Variants in FYTTD1 observed in about 807,000 individuals in gnomAD.
The protein encoded by FYTTD1 is UAP56-interacting factor.
FYTTD1 carries 22 observed loss-of-function variants against 40.9 expected under a neutral mutation model. That is an observed-to-expected ratio of 0.54 (90% confidence interval 0.38 to 0.77). The LOEUF (loss-of-function observed/expected upper bound fraction) is 0.77. Among genes scored for constraint, FYTTD1 ranks in the 30% least tolerant of loss-of-function variants. FYTTD1 has a pLI of 0.00. For synonymous variants in FYTTD1, 140 were observed against 137.9 expected, an observed-to-expected ratio of 1.01 and a Z score of -0.10; for missense variants, 351 against 392.2, an observed-to-expected ratio of 0.90 and a Z score of 0.89.
Position 197,784,647 on chromosome 3 carries a change from C to G in FYTTD1, c.*2738C>G, listed in dbSNP as rs1456808591. 6.6e-6 allele frequency: 1 copy of G among 152,152 alleles called. No individual in the cohort carries two copies. Among genetic ancestry groups the G allele is most frequent in the Non-Finnish European group, 1.5e-5 (1 of 68,058 alleles). 9.4% of individuals were successfully genotyped at this position (152,152 alleles called of 1,614,324 possible). ...TCTTTACTAAAAATACAGACATTAG[C>G]TGGTGTGGTGACATGTGCCTGTGGT... On this transcript the variant is annotated 3_prime_UTR_variant, in exon 9 of 9. Coordinates refer to ENST00000241502, the MANE Select transcript of FYTTD1 (RefSeq NM_032288.7).
In FYTTD1 at chr3:197,776,991, C is replaced by G. The variant is rs548460773; in HGVS notation, c.721C>G (p.Gln241Glu). The change falls in exon 7 of 9, where the codon CAA (glutamine) becomes GAA (glutamate). Residue 241 changes from glutamine to glutamate, a missense_variant. Physicochemically the swap from Gln to Glu is conservative, Grantham distance 29. Coordinates refer to ENST00000241502, the MANE Select transcript of FYTTD1 (RefSeq NM_032288.7). ...TVSIDNPGAV[Q>E]CPVTQKPRLT... Reference sequence around the variant, plus strand: ...ATCTATTGACAATCCTGGAGCAGTGCAATGCCCAGTGTAAGTTGTTTCTTT... The same window carrying G: ...ATCTATTGACAATCCTGGAGCAGTGGAATGCCCAGTGTAAGTTGTTTCTTT... 1 of 1,603,238 alleles carries G rather than the reference C, an allele frequency of 6.2e-7. No individual in the cohort carries two copies. The highest frequency in any genetic ancestry group is 2.2e-5 in the East Asian group (1 of 44,792).
At chr3:197,756,637 T>G in intron 2 of FYTTD1, 80 bp downstream of exon 2, 1 of 1,252,886 alleles carries the variant, frequency 8.0e-7, no homozygotes, top group Non-Finnish European at 1.2e-6. Flanking sequence ...ATGCTTAACG[T>G]GGAGGAATGC....
Position 197,780,859 on chromosome 3 carries a change from A to C in FYTTD1, c.859-952A>C, listed in dbSNP as rs144445836. Among the ~76,000 whole-genome samples the C allele has an allele frequency of 1.3e-4, 19 of 149,920 alleles. 1 individual carries two copies. The East Asian group carries it at 3.6e-3, about 28-fold the overall frequency. On this transcript the variant is annotated intron_variant, in intron 8 of 8. Transcript: ENST00000241502. ...TGCCTGGCCCAGTTTCTTTTTTTTT[A>C]TTTTTTATTTTTATAGATTCTCTTT...
Position 197,778,424 on chromosome 3 carries a change from G to T in FYTTD1, c.818G>T (p.Gly273Val). Reference protein sequence around the residue: ...EQSDVKKVPKGVPLQFDINSV... With the variant: ...EQSDVKKVPKVVPLQFDINSV... The stretch of plus-strand genomic sequence containing the variant: ...AGTGACGTCAAGAAAGTTCCTAAAG[G>T]TGTTCCCCTGCAGTTTGACATAAAC... Residue 273 changes from glycine (G) to valine (V), a missense_variant, in exon 8 of 9, where the codon GGT becomes GTT. Coordinates refer to ENST00000241502, the MANE Select transcript of FYTTD1 (RefSeq NM_032288.7). 6.2e-7 allele frequency: 1 copy of T among 1,610,722 alleles called. No individual in the cohort carries two copies. The highest frequency in any genetic ancestry group is 8.5e-7 in the Non-Finnish European group (1 of 1,177,460).
In FYTTD1 at chr3:197,782,984, A is replaced by G. The variant is rs981158798; in HGVS notation, c.*1075A>G. ...AAAAATATACTTGTATATGTCACAG[A>G]GAAAAAAAATGCAAAATTTATAATA... On this transcript the variant is annotated 3_prime_UTR_variant, in exon 9 of 9. Transcript: ENST00000241502. The G allele has an allele frequency of 6.6e-6, 1 of 152,602 alleles. No individual in the cohort carries two copies. Among genetic ancestry groups the G allele is most frequent in the South Asian group, 2.1e-4 (1 of 4,824 alleles). 9.5% of individuals were successfully genotyped at this position (152,602 alleles called of 1,614,324 possible). A position where few individuals can be genotyped will look rare whatever the true frequency, so the allele number is the denominator to read the frequency against.
At chr3:197,775,592 C>T (rs1171609442) in intron 6 of FYTTD1, among the ~76,000 whole-genome samples, 1 of 152,320 alleles carries the variant, frequency 6.6e-6, no homozygotes, top group Non-Finnish European at 1.5e-5. Flanking sequence ...TTTCATTCTG[C>T]GGTTGCAACT....
intron 6 of FYTTD1, among the ~76,000 whole-genome samples, chr3:197,774,696 TCGA>T (rs1729822350): frequency 1.3e-5 from 2 of 149,454 alleles, no homozygotes; most frequent in African/African-American, 5.0e-5. Context: ...GCAGCATAGC[TCGA>T]TCGCCAGTGC....
intron 2 of FYTTD1, among the ~76,000 whole-genome samples, chr3:197,758,708 T>TG (rs1729279981): frequency 1.3e-5 from 2 of 152,202 alleles, no homozygotes; most frequent in African/African-American, 4.8e-5. Flanking sequence ...TGCTTACATG[T>TG]GACACGGGCT....
chr3:197,752,704 G>A (rs937909212), intron 1 of FYTTD1, among the ~76,000 whole-genome samples: 1 of 151,556 alleles, frequency 6.6e-6, no homozygotes, highest in African/African-American at 2.4e-5. Context: ...CTACATATAT[G>A]TGTGTATGTC....
At chr3:197,753,794 C>T (rs1296654233) in intron 1 of FYTTD1, among the ~76,000 whole-genome samples, 6 of 152,088 alleles carry the variant, frequency 3.9e-5, no homozygotes, top group Non-Finnish European at 8.8e-5. Context: ...CTTGCTCTGT[C>T]GCCCAGGCTG....
intron 2 of FYTTD1, among the ~76,000 whole-genome samples, chr3:197,759,019 T>C (rs772743174): frequency 2.6e-5 from 4 of 152,200 alleles, no homozygotes; most frequent in Non-Finnish European, 4.4e-5. Flanking sequence ...AGAGTTGTTC[T>C]TCAGTGGTAG....
intron 1 of FYTTD1, chr3:197,750,950 G>A (rs1475275088): frequency 6.5e-6 from 4 of 612,994 alleles, no homozygotes; most frequent in African/African-American, 6.0e-5. Context: ...AGCCGCTGTG[G>A]TTAGCTTAGG....
chr3:197,765,045 G>A (rs959696220), intron 2 of FYTTD1, among the ~76,000 whole-genome samples: 3 of 152,074 alleles, frequency 2.0e-5, no homozygotes, highest in Admixed American at 6.6e-5. Flanking sequence ...TAGAGACGAG[G>A]TTTCACCATG....
intron 8 of FYTTD1, among the ~76,000 whole-genome samples, chr3:197,780,835 G>A (rs149232030): frequency 2.9e-3 from 440 of 151,862 alleles, no homozygotes; most frequent in Non-Finnish European, 4.7e-3. Context: ...GAGCCACCAT[G>A]CCTGGCCCAG....
chr3:197,768,458 G>A lies in FYTTD1; in HGVS notation c.255G>A (p.Leu85=). Residue 85 remains leucine, a synonymous_variant, in exon 3 of 9, where the codon CTG becomes CTA. Coordinates refer to ENST00000241502, the MANE Select transcript of FYTTD1 (RefSeq NM_032288.7). ...CTATAGGTTTTGGTAAGACTAGTCT[G>A]AATCGTAGAGGAAGAGTAATGCCTG... ...QQNSGFGKTS[L]NRRGRVMPGK... The A allele has an allele frequency of 6.2e-7, 1 of 1,611,586 alleles. No individual in the cohort carries two copies. Among genetic ancestry groups the A allele is most frequent in the Non-Finnish European group, 8.5e-7 (1 of 1,178,216 alleles).
At chr3:197,755,366 T>C (rs1367865378) in intron 1 of FYTTD1, among the ~76,000 whole-genome samples, 2 of 152,194 alleles carry the variant, frequency 1.3e-5, no homozygotes, top group Non-Finnish European at 2.9e-5. Flanking sequence ...TCAGTAAATA[T>C]TTGCTGAATT....
At chr3:197,772,655 C>T (rs909977936) in intron 4 of FYTTD1, among the ~76,000 whole-genome samples, 4 of 152,216 alleles carry the variant, frequency 2.6e-5, no homozygotes, top group African/African-American at 9.6e-5. Context: ...TGTCGCTGGG[C>T]TGGAGTGCAG....
rs1194838103 is a variant in FYTTD1, at chr3:197,785,721, A to G, written c.*3812A>G. On this transcript the variant is annotated 3_prime_UTR_variant, in exon 9 of 9. Transcript: ENST00000241502. Reference sequence around the variant, plus strand: ...GTTGATTTATTTTTACTATAAGGAGATAAGAGAAAAAATAGCTCACTTGGC... The same window carrying G: ...GTTGATTTATTTTTACTATAAGGAGGTAAGAGAAAAAATAGCTCACTTGGC... The G allele has an allele frequency of 6.6e-6, 1 of 152,198 alleles. No individual in the cohort carries two copies. Among genetic ancestry groups the G allele is most frequent in the Non-Finnish European group, 1.5e-5 (1 of 68,040 alleles). The allele number at this position is 152,198 out of a possible 1,614,324, so 9.4% of individuals were successfully genotyped here.
At chr3:197,754,667 CTT>C (rs545875999) in intron 1 of FYTTD1, among the ~76,000 whole-genome samples, 6 of 124,326 alleles carry the variant, frequency 4.8e-5, no homozygotes, top group Non-Finnish European at 5.2e-5. Flanking sequence ...TTTTTTCTTT[CTT>C]TTTTTTTTTT....
Sources: gnomAD v4.1 joint callset for allele counts (sites outside exome capture counted in the v4.1 genomes callset) on GRCh38, gnomAD v4.1.1 for gene constraint, MANE v1.5 for transcripts, NCBI Gene and HGNC (gene_info 2026-07-23, HGNC 2026-07-21) for gene names.